Variants in CPNE4 observed in about 807,000 individuals in gnomAD.
CPNE4 encodes copine-4.
Under a neutral mutation model 67.9 loss-of-function variants are expected in CPNE4, and 25 were observed. That is an observed-to-expected ratio of 0.37 (90% CI 0.27 to 0.51). CPNE4 has a LOEUF of 0.51. Ranked by LOEUF, CPNE4 falls within the 20% of genes least tolerant of loss-of-function variation. The pLI, the probability that CPNE4 is intolerant of heterozygous loss-of-function variation, is 0.93. For synonymous variants in CPNE4, 242 were observed against 244.9 expected, an observed-to-expected ratio of 0.99 and a Z score of 0.11; for missense variants, 464 against 690.8, an observed-to-expected ratio of 0.67 and a Z score of 3.68.
chr3:131,612,478 T>A (rs911336569), intron 7 of CPNE4, among the ~76,000 whole-genome samples: 6 of 152,186 alleles, frequency 3.9e-5, no homozygotes, highest in Non-Finnish European at 7.3e-5. Flanking sequence ...AGGTAAGGTT[T>A]TCCCTGAAGT....
intron 1 of CPNE4, among the ~76,000 whole-genome samples, chr3:131,968,761 A>T (rs1344942185): frequency 6.6e-6 from 1 of 152,178 alleles, no homozygotes; most frequent in East Asian, 1.9e-4. Context: ...TGTTGGTGGG[A>T]GTGTAAATTA....
At chr3:132,023,538 A>T (rs1165436049) in intron 1 of CPNE4, among the ~76,000 whole-genome samples, 1 of 113,198 alleles carries the variant, frequency 8.8e-6, no homozygotes, top group Non-Finnish European at 1.6e-5. Flanking sequence ...CCCAGGCTGG[A>T]GTGCAGTGGC....
rs114120703 is a variant in CPNE4 at position 131,924,773 on chromosome 3, C to T, written c.-1-19329G>A. On this transcript the variant is annotated intron_variant, in intron 1 of 15. Transcript: ENST00000429747. ...TTTGGCTATAAAGGAAATTAAACCC[C>T]TAAACTAATCAGTGTAAACGTGAGT... 7.6e-4 allele frequency among the ~76,000 whole-genome samples: 115 copies of T among 152,230 alleles called. 1 individual carries two copies. Among genetic ancestry groups the T allele is most frequent in the African/African-American group, 2.6e-3 (106 of 41,554 alleles).
At chr3:131,600,693 G>A (rs56350471) in intron 7 of CPNE4, among the ~76,000 whole-genome samples, 45,320 of 152,026 alleles carry the variant, frequency 0.3, 10,765 homozygotes, top group African/African-American at 0.67. Context: ...GCTCTGTGCT[G>A]TCTTGGGGTT....
intron 2 of CPNE4, among the ~76,000 whole-genome samples, chr3:131,735,094 C>CATACAT (rs1484610177): frequency 6.6e-6 from 1 of 152,204 alleles, no homozygotes; most frequent in Non-Finnish European, 1.5e-5. Flanking sequence ...TAAACATACA[C>CATACAT]ATACATACAT....
At chr3:131,650,694 G>A (rs1343798344) in intron 7 of CPNE4, among the ~76,000 whole-genome samples, 3 of 121,048 alleles carry the variant, frequency 2.5e-5, no homozygotes, top group African/African-American at 3.8e-5. Flanking sequence ...GCAGTGAGCC[G>A]AGATCGCGCC....
chr3:131,647,262 C>T (rs1393001543), intron 7 of CPNE4, among the ~76,000 whole-genome samples: 1 of 152,144 alleles, frequency 6.6e-6, no homozygotes, highest in African/African-American at 2.4e-5. Flanking sequence ...TATCTCAATA[C>T]CTGGAGACGC....
intron 1 of CPNE4, among the ~76,000 whole-genome samples, chr3:131,919,109 G>A (rs2070668754): frequency 6.6e-6 from 1 of 152,156 alleles, no homozygotes; most frequent in Non-Finnish European, 1.5e-5. Flanking sequence ...ATAAATGCCT[G>A]CTGGATTCAG....
chr3:131,601,561 A>G (rs779801255), intron 7 of CPNE4, among the ~76,000 whole-genome samples: 7 of 152,170 alleles, frequency 4.6e-5, no homozygotes, highest in Non-Finnish European at 8.8e-5. Context: ...ACATTTCTTT[A>G]TCTTATTTAT....
intron 5 of CPNE4, among the ~76,000 whole-genome samples, chr3:131,688,314 C>T (rs543022943): frequency 6.6e-6 from 1 of 152,154 alleles, no homozygotes; most frequent in African/African-American, 2.4e-5. Flanking sequence ...CCACAGCCTT[C>T]ATCTTGTCAA....
At chr3:131,551,508 G>A (rs1304272256) in intron 13 of CPNE4, among the ~76,000 whole-genome samples, 1 of 152,086 alleles carries the variant, frequency 6.6e-6, no homozygotes, top group Admixed American at 6.6e-5. Context: ...AATGGGGGTG[G>A]TTGGGGATGA....
chr3:132,013,586 T>C (rs1204641908), intron 1 of CPNE4, among the ~76,000 whole-genome samples: 1 of 152,238 alleles, frequency 6.6e-6, no homozygotes, highest in Non-Finnish European at 1.5e-5. Context: ...CCATAATTCC[T>C]CCAAAGTAAA....
intron 1 of CPNE4, 45 bp from the exon 2 acceptor site, chr3:131,905,489 G>T (rs756953582): frequency 6.6e-7 from 1 of 1,525,186 alleles, no homozygotes. Flanking sequence ...GCCAATCACT[G>T]CAATATTTGT....
At chr3:131,999,359 C>T (rs2107660238) in intron 1 of CPNE4, among the ~76,000 whole-genome samples, 1 of 151,064 alleles carries the variant, frequency 6.6e-6, no homozygotes, top group Middle Eastern at 3.5e-3. Context: ...TCATCCATGC[C>T]ATGGAATACA....
chr3:131,763,260 A>G (rs759163759), intron 2 of CPNE4, among the ~76,000 whole-genome samples: 8 of 152,124 alleles, frequency 5.3e-5, no homozygotes, highest in Admixed American at 3.3e-4. Flanking sequence ...AGATAACATG[A>G]ATCACAGCTG....
At chr3:131,978,120 A>G (rs1442492673) in intron 1 of CPNE4, among the ~76,000 whole-genome samples, 2 of 78,498 alleles carry the variant, frequency 2.5e-5, no homozygotes, top group Non-Finnish European at 4.5e-5. Context: ...AAATATATAT[A>G]AATATATATA....
intron 2 of CPNE4, among the ~76,000 whole-genome samples, chr3:131,823,117 G>T (rs2085023159): frequency 6.6e-6 from 1 of 152,208 alleles, no homozygotes; most frequent in Non-Finnish European, 1.5e-5. Flanking sequence ...GGGATTACAG[G>T]CATGAGCCAC....
intron 1 of CPNE4, chr3:131,985,937 T>C (rs1158586393): frequency 6.5e-6 from 1 of 154,050 alleles, no homozygotes; most frequent in East Asian, 1.9e-4. Context: ...GATCAGACAA[T>C]AGTGACTATT....
At chr3:131,950,396 T>A (rs1234128030) in intron 1 of CPNE4, among the ~76,000 whole-genome samples, 4 of 152,152 alleles carry the variant, frequency 2.6e-5, no homozygotes, top group Non-Finnish European at 4.4e-5. Flanking sequence ...CTTTTAATAG[T>A]AAAACCACCA....
Sources: allele counts gnomAD v4.1 joint callset (sites outside exome capture counted in the v4.1 genomes callset), GRCh38; gene constraint gnomAD v4.1.1; transcripts MANE v1.5; gene names NCBI Gene and HGNC (gene_info 2026-07-23, HGNC 2026-07-21).